Variants in FXYD6 observed in about 807,000 individuals in gnomAD.
FXYD6 encodes the protein FXYD domain containing ion transport regulator 6, also known as FXYD domain-containing ion transport regulator 6.
FXYD6 carries 7 observed loss-of-function variants against 16.7 expected under a neutral mutation model. The observed-to-expected ratio is 0.42, with a 90% CI of 0.24 to 0.79. The LOEUF (loss-of-function observed/expected upper bound fraction) is 0.79, where lower values mean the gene tolerates loss of function less well. Ranked by LOEUF, FXYD6 falls within the 30% of genes least tolerant of loss-of-function variation. The probability of loss-of-function intolerance (pLI) is 0.28; values close to 1 mark genes in which losing one functional copy is unlikely to be tolerated. For synonymous variants in FXYD6, 49 were observed against 43.0 expected, an observed-to-expected ratio of 1.14 and a Z score of -0.54; for missense variants, 111 against 116.2, an observed-to-expected ratio of 0.95 and a Z score of 0.21.
At chr11:117,868,128 A>G (rs2057049924) in intron 1 of FXYD6, among the ~76,000 whole-genome samples, 1 of 152,122 alleles carries the variant, frequency 6.6e-6, no homozygotes, top group East Asian at 1.9e-4. Context: ...CTTCATTAAG[A>G]TTCTCCTATC....
chr11:117,840,448 G>T (rs1398007796), intron 5 of FXYD6, 80 bp from the exon 6 acceptor site: 2 of 1,588,770 alleles, frequency 1.3e-6, no homozygotes, highest in Non-Finnish European at 1.7e-6. Context: ...CCTCACTGGG[G>T]CACAGCTGCC....
rs936489152 is a variant in FXYD6 at position 117,871,277 on chromosome 11, G to A, written c.-6+5315C>T. ...ATCTTGGGAACGCGTGGTGTGCACCGGCGTATGGGAGACAGCCGGGAAGGG... is the reference window on the plus strand; with the variant it reads ...ATCTTGGGAACGCGTGGTGTGCACCAGCGTATGGGAGACAGCCGGGAAGGG... On this transcript the variant is annotated intron_variant, in intron 1 of 7. Transcript: ENST00000526014. Among the ~76,000 whole-genome samples, 5 of 152,282 alleles carry A rather than the reference G, an allele frequency of 3.3e-5. No individual in the cohort carries two copies. In the East Asian group the frequency reaches 9.7e-4, roughly 29 times the overall value.
Position 117,859,595 on chromosome 11 carries a change from C to T in FXYD6, c.-5-16814G>A, listed in dbSNP as rs550641501. Among the ~76,000 whole-genome samples the T allele has an allele frequency of 1.8e-4, 27 of 152,218 alleles. 1 individual carries two copies. Among genetic ancestry groups the T allele is most frequent in the African/African-American group, 3.6e-4 (15 of 41,534 alleles). On this transcript the variant is annotated intron_variant, in intron 1 of 7. Transcript: ENST00000526014. ...TCTCACTTAATCCTTAAACATAACC[C>T]GATGCTAACACTGATAATGTGCACC...
chr11:117,847,230 C>T (rs2056490914), intron 1 of FXYD6, among the ~76,000 whole-genome samples: 4 of 152,110 alleles, frequency 2.6e-5, no homozygotes, highest in African/African-American at 9.7e-5. Context: ...TGTTAAACTC[C>T]CGAATTATTT....
At chr11:117,874,669 T>C (rs912104978) in intron 1 of FXYD6, among the ~76,000 whole-genome samples, 1 of 152,230 alleles carries the variant, frequency 6.6e-6, no homozygotes, top group African/African-American at 2.4e-5. Flanking sequence ...AGAGCTGGCC[T>C]GATCCTCTGC....
chr11:117,874,303 G>A (rs7102557), intron 1 of FXYD6, among the ~76,000 whole-genome samples: 21,520 of 152,236 alleles, frequency 0.14, 1,615 homozygotes, highest in Middle Eastern at 0.18. Flanking sequence ...AAGCCAGGAA[G>A]GAAACGCTTC....
rs536729501 is a variant in FXYD6, at chr11:117,842,459, C to T, written c.58+260G>A. Reference sequence around the variant, plus strand: ...GGTTCAGGCCACAAATCCACAGAGGCGCAGTGAGCTTGCGGGGCTTAAAAA... The same window carrying T: ...GGTTCAGGCCACAAATCCACAGAGGTGCAGTGAGCTTGCGGGGCTTAAAAA... On this transcript the variant is annotated intron_variant, in intron 2 of 7. Coordinates refer to ENST00000526014, the MANE Select transcript of FXYD6 (RefSeq NM_022003.4). 2.5e-4 allele frequency among the ~76,000 whole-genome samples: 38 copies of T among 152,286 alleles called. 1 individual carries two copies. Among genetic ancestry groups the T allele is most frequent in the South Asian group, 1.0e-3 (5 of 4,820 alleles).
intron 1 of FXYD6, among the ~76,000 whole-genome samples, 197 bp downstream of exon 1, chr11:117,876,395 G>C (rs7119090): frequency 0.33 from 50,041 of 151,890 alleles, 9,444 homozygotes; most frequent in African/African-American, 0.49. Context: ...TTCCGACGCC[G>C]ATCTCCTTGT....
At chr11:117,860,445 C>G (rs2056878636) in intron 1 of FXYD6, among the ~76,000 whole-genome samples, 1 of 152,258 alleles carries the variant, frequency 6.6e-6, no homozygotes, top group Non-Finnish European at 1.5e-5. Flanking sequence ...ATTTACCAAG[C>G]TTCCAGCATC....
chr11:117,852,973 C>G (rs1340063129), intron 1 of FXYD6, among the ~76,000 whole-genome samples: 2 of 152,124 alleles, frequency 1.3e-5, no homozygotes, highest in African/African-American at 4.8e-5. Flanking sequence ...CTATCTGGTT[C>G]TTTTTGAAAT....
At chr11:117,850,171 C>T (rs565394177) in intron 1 of FXYD6, among the ~76,000 whole-genome samples, 4 of 152,280 alleles carry the variant, frequency 2.6e-5, no homozygotes, top group African/African-American at 4.8e-5. Flanking sequence ...TTTGGGGAGG[C>T]GGATTTGAGA....
intron 5 of FXYD6, 134 bp downstream of exon 5, chr11:117,841,014 C>T: frequency 8.5e-7 from 1 of 1,175,792 alleles, no homozygotes. Flanking sequence ...ACTTCCAGCC[C>T]TACGTCCCAA....
chr11:117,858,742 T>C, intron 1 of FXYD6, among the ~76,000 whole-genome samples: 1 of 125,162 alleles, frequency 8.0e-6, no homozygotes, highest in South Asian at 2.8e-4. Flanking sequence ...CCTTCCTTCC[T>C]TCCTTCCTTC....
At chr11:117,853,973 A>G (rs184810011) in intron 1 of FXYD6, among the ~76,000 whole-genome samples, 3 of 152,218 alleles carry the variant, frequency 2.0e-5, no homozygotes, top group Non-Finnish European at 2.9e-5. Context: ...GCAGTCATAC[A>G]GTCCTAAAAT....
At chr11:117,862,986 A>G (rs1211533988) in intron 1 of FXYD6, among the ~76,000 whole-genome samples, 1 of 152,178 alleles carries the variant, frequency 6.6e-6, no homozygotes, top group Non-Finnish European at 1.5e-5. Context: ...ATGATGTTAT[A>G]CACCAGTCAT....
chr11:117,865,073 C>T (rs2056986394), intron 1 of FXYD6, among the ~76,000 whole-genome samples: 1 of 152,030 alleles, frequency 6.6e-6, no homozygotes, highest in Non-Finnish European at 1.5e-5. Flanking sequence ...AACATTTCTC[C>T]AAAGAAGATA....
At chr11:117,857,584 T>A (rs149998976) in intron 1 of FXYD6, among the ~76,000 whole-genome samples, 1,907 of 152,198 alleles carry the variant, frequency 0.013, 12 homozygotes, top group Middle Eastern at 0.024. Flanking sequence ...AATTTTTGTA[T>A]TTTTAGTAGA....
chr11:117,877,082 GGT>G (rs2057288365), upstream of FXYD6: 1 of 152,270 alleles, frequency 6.6e-6, no homozygotes, highest in South Asian at 2.1e-4. Flanking sequence ...TGACAGACCT[GGT>G]GTCTCTCTGC....
chr11:117,859,264 G>T (rs932806113), intron 1 of FXYD6, among the ~76,000 whole-genome samples: 77 of 152,316 alleles, frequency 5.1e-4, no homozygotes, highest in Middle Eastern at 3.4e-3. Context: ...GGGCAAATGT[G>T]AATCCCCTGA....
Sources: allele counts gnomAD v4.1 joint callset (sites outside exome capture counted in the v4.1 genomes callset), GRCh38; gene constraint gnomAD v4.1.1; transcripts MANE v1.5; gene names NCBI Gene and HGNC (gene_info 2026-07-23, HGNC 2026-07-21).